AKNAD1: variants seen among roughly 807,000 people sequenced by gnomAD.
AKNAD1 encodes AKNA domain containing 1.
AKNAD1 carries 67 observed loss-of-function variants against 90.8 expected under a neutral mutation model. That is an observed-to-expected ratio of 0.74 (90% CI 0.61 to 0.90). AKNAD1 has a LOEUF of 0.90. Among genes scored for constraint, AKNAD1 ranks in the 40% least tolerant of loss-of-function variants. The pLI, the probability that AKNAD1 is intolerant of heterozygous loss-of-function variation, is 0.00. For synonymous variants in AKNAD1, 327 were observed against 341.4 expected (o/e 0.96, Z 0.46); for missense variants, 957 against 975.4 (o/e 0.98, Z 0.25).
At chr1:108,854,233 C>A (rs947331665) in intron 1 of AKNAD1, among the ~76,000 whole-genome samples, 1 of 152,176 alleles carries the variant, frequency 6.6e-6, no homozygotes, top group Non-Finnish European at 1.5e-5. Context: ...ATATCTCTTC[C>A]TGATTTGTGA....
At chr1:108,831,588 A>G (rs1664197033) in intron 9 of AKNAD1, among the ~76,000 whole-genome samples, 1 of 151,730 alleles carries the variant, frequency 6.6e-6, no homozygotes, top group African/African-American at 2.4e-5. Context: ...CTCTGTGACT[A>G]AAGGAAATAA....
At chr1:108,830,737 G>T in intron 9 of AKNAD1, 87 bp from the exon 10 acceptor site, 1 of 1,361,460 alleles carries the variant, frequency 7.3e-7, no homozygotes, top group Non-Finnish European at 1.0e-6. Context: ...AAGCAGCTGA[G>T]GTCCGGCTGA....
chr1:108,843,907 A>T (rs186715613), intron 5 of AKNAD1, among the ~76,000 whole-genome samples: 1 of 152,288 alleles, frequency 6.6e-6, no homozygotes, highest in East Asian at 1.9e-4. Context: ...CATGTTGAAG[A>T]TGTATGGAGG....
At chr1:108,834,131 C>T (rs1354853281) in intron 9 of AKNAD1, among the ~76,000 whole-genome samples, 1 of 152,096 alleles carries the variant, frequency 6.6e-6, no homozygotes, top group Non-Finnish European at 1.5e-5. Context: ...GGCTTGTTAG[C>T]AATGCAGAAT....
intron 3 of AKNAD1, 43 bp downstream of exon 3, chr1:108,849,494 A>G (rs1171728791): frequency 3.1e-6 from 4 of 1,295,202 alleles, no homozygotes; most frequent in South Asian, 2.4e-5. Context: ...GACAAAAACA[A>G]AACATATATA....
intron 6 of AKNAD1, among the ~76,000 whole-genome samples, chr1:108,841,745 A>G (rs532152804): frequency 6.6e-6 from 1 of 152,144 alleles, no homozygotes; most frequent in Non-Finnish European, 1.5e-5. Flanking sequence ...TCCTTGTCAC[A>G]TTATGCCCAT....
chr1:108,832,472 G>A (rs1454859136), intron 9 of AKNAD1, among the ~76,000 whole-genome samples: 5 of 151,884 alleles, frequency 3.3e-5, no homozygotes, highest in South Asian at 2.1e-4. Flanking sequence ...TGATCCACCC[G>A]CCTTGGCCTA....
intron 5 of AKNAD1, among the ~76,000 whole-genome samples, chr1:108,844,310 C>T (rs1481455419): frequency 1.3e-5 from 2 of 151,800 alleles, no homozygotes; most frequent in African/African-American, 2.4e-5. Flanking sequence ...TTGCAGTGAG[C>T]CAAGATTGCA....
chr1:108,840,021 GAAA>G (rs5776954), intron 6 of AKNAD1, among the ~76,000 whole-genome samples: 2 of 145,696 alleles, frequency 1.4e-5, no homozygotes, highest in Non-Finnish European at 1.5e-5. Context: ...GACTTTGTCT[GAAA>G]AAAAAAAAAA....
At chr1:108,857,206 T>G (rs1665075497), upstream of AKNAD1, 1 of 152,506 alleles carries the variant, frequency 6.6e-6, no homozygotes, top group Non-Finnish European at 1.5e-5. Context: ...GGCCAGGACA[T>G]CACAGTGACC....
chr1:108,830,726 C>T (rs980698475), intron 9 of AKNAD1, 76 bp from the exon 10 acceptor site: 2 of 1,451,032 alleles, frequency 1.4e-6, no homozygotes, highest in Non-Finnish European at 1.9e-6. Context: ...CACAGCCCAG[C>T]AAGCAGCTGA....
intron 5 of AKNAD1, among the ~76,000 whole-genome samples, chr1:108,846,697 C>T (rs1480808870): frequency 6.6e-6 from 1 of 152,018 alleles, no homozygotes; most frequent in Non-Finnish European, 1.5e-5. Context: ...TTGCCTGGCC[C>T]GTCTCATCCA....
chr1:108,854,539 G>A (rs1664976604), intron 1 of AKNAD1, among the ~76,000 whole-genome samples: 1 of 152,142 alleles, frequency 6.6e-6, no homozygotes, highest in Non-Finnish European at 1.5e-5. Flanking sequence ...AACTAAATGT[G>A]GTAAAAGCAT....
At chr1:108,829,562 A>G (rs1664116331) in intron 10 of AKNAD1, among the ~76,000 whole-genome samples, 1 of 152,234 alleles carries the variant, frequency 6.6e-6, no homozygotes, top group South Asian at 2.1e-4. Flanking sequence ...CTGATGACTG[A>G]CATGGTGGTT....
rs143150082 is a variant in AKNAD1 at position 108,828,284 on chromosome 1, C to T, written c.1839-982G>A. Among the ~76,000 whole-genome samples the T allele has an allele frequency of 9.6e-3, 1,450 of 151,746 alleles. 30 individuals are homozygous for T. Among genetic ancestry groups the T allele is most frequent in the Non-Finnish European group, 0.014 (966 of 67,948 alleles). On this transcript the variant is annotated intron_variant, in intron 10 of 15. Coordinates refer to ENST00000370001, the MANE Select transcript of AKNAD1 (RefSeq NM_152763.5). ...GAGCACGTGAAGGTGATTTTAGTTG[C>T]ACATGGCCACCAGGTGGCGTCAGAA...
intron 10 of AKNAD1, 27 bp downstream of exon 10, chr1:108,830,532 G>A (rs1031021927): frequency 1.2e-6 from 2 of 1,609,090 alleles, no homozygotes; most frequent in Non-Finnish European, 1.7e-6. Context: ...AATCCACCCT[G>A]GGAATGTAGC....
rs1664783139 is a variant in AKNAD1, at chr1:108,849,126, G to A, written c.1034-66C>T. On this transcript the variant is annotated intron_variant, in intron 3 of 15. Coordinates refer to ENST00000370001, the MANE Select transcript of AKNAD1 (RefSeq NM_152763.5). ...ACTTATCACAGTTTTATTAAGTACT[G>A]AAAACAGAAAGCTGTTGCAGTCACC... 6 of 1,390,906 alleles carry A rather than the reference G, an allele frequency of 4.3e-6. No homozygotes were observed. In the Admixed American group the frequency reaches 1.3e-4, roughly 29 times the overall value. The allele number at this position is 1,390,906 out of a possible 1,614,324, so 86.2% of individuals were successfully genotyped here. A position where few individuals can be genotyped will look rare whatever the true frequency, so the allele number is the denominator to read the frequency against.
intron 6 of AKNAD1, among the ~76,000 whole-genome samples, chr1:108,841,534 G>A (rs1273239132): frequency 2.0e-5 from 3 of 152,122 alleles, no homozygotes; most frequent in African/African-American, 4.8e-5. Flanking sequence ...TGAAATCCAA[G>A]CAAATATTTT....
At chr1:108,849,684 A>G in intron 2 of AKNAD1, 108 bp from the exon 3 acceptor site, 1 of 795,632 alleles carries the variant, frequency 1.3e-6, no homozygotes, top group East Asian at 2.6e-5. Flanking sequence ...CCAGGTTTGC[A>G]GTCAAGAGCC....
Sources: allele counts gnomAD v4.1 joint callset (sites outside exome capture counted in the v4.1 genomes callset), GRCh38; gene constraint gnomAD v4.1.1; transcripts MANE v1.5; gene names NCBI Gene and HGNC (gene_info 2026-07-23, HGNC 2026-07-21).